TMEM132D: variants seen among roughly 807,000 people sequenced by gnomAD.
The protein encoded by TMEM132D is transmembrane protein 132D.
Under a neutral mutation model 62.3 loss-of-function variants are expected in TMEM132D, and 21 were observed. The observed-to-expected ratio is 0.34, with a 90% confidence interval of 0.24 to 0.49. TMEM132D has a LOEUF of 0.49. Among genes scored for constraint, TMEM132D ranks in the 20% least tolerant of loss-of-function variants. The pLI, the probability that TMEM132D is intolerant of heterozygous loss-of-function variation, is 0.99. For synonymous variants in TMEM132D, 621 were observed against 575.6 expected (o/e 1.08, Z -1.13); for missense variants, 1,346 against 1,402.8 (o/e 0.96, Z 0.65).
Position 129,409,838 on chromosome 12 carries a change from G to A in TMEM132D, c.1116-72021C>T, listed in dbSNP as rs528787615. On this transcript the variant is annotated intron_variant, in intron 3 of 8. Transcript: ENST00000422113. ...GATCTGCATAATCTTGCATGAGGAAGCTGCATCATGCTTGCATGAGAAAGC... is the reference window on the plus strand; with the variant it reads ...GATCTGCATAATCTTGCATGAGGAAACTGCATCATGCTTGCATGAGAAAGC... Among the ~76,000 whole-genome samples the A allele has an allele frequency of 2.0e-4, 31 of 152,330 alleles. No homozygotes were observed. In the South Asian group the frequency reaches 6.0e-3, roughly 30 times the overall value.
rs571122554 is a variant in TMEM132D, at chr12:129,272,203, G to A, written c.1300-62540C>T. On this transcript the variant is annotated intron_variant, in intron 4 of 8. Transcript: ENST00000422113. The stretch of plus-strand genomic sequence containing the variant: ...TGTGGTTTTAGGATCGGCAGGGACC[G>A]CATGCCCTGGGCACTTGCTGGGAAT... Among the ~76,000 whole-genome samples the A allele has an allele frequency of 5.1e-4, 78 of 151,922 alleles. 2 individuals carry two copies. Among genetic ancestry groups the A allele is most frequent in the African/African-American group, 1.7e-3 (70 of 41,208 alleles).
chr12:129,602,037 TG>T (rs1878495684), intron 2 of TMEM132D, among the ~76,000 whole-genome samples: 1 of 152,096 alleles, frequency 6.6e-6, no homozygotes, highest in Non-Finnish European at 1.5e-5. Flanking sequence ...TTGTTTTGAG[TG>T]GTATAATAAT....
chr12:129,597,695 C>T (rs1878374321), intron 2 of TMEM132D, among the ~76,000 whole-genome samples: 1 of 152,146 alleles, frequency 6.6e-6, no homozygotes, highest in African/African-American at 2.4e-5. Flanking sequence ...ATTGTATTCA[C>T]ACTCTCACCT....
intron 5 of TMEM132D, among the ~76,000 whole-genome samples, chr12:129,153,382 T>C (rs1051208442): frequency 1.3e-5 from 2 of 151,882 alleles, no homozygotes; most frequent in Non-Finnish European, 2.9e-5. Context: ...GAATGAGAGA[T>C]TGCGGGCCTA....
chr12:129,508,804 G>C (rs1593043190), intron 3 of TMEM132D, among the ~76,000 whole-genome samples: 2 of 152,184 alleles, frequency 1.3e-5, no homozygotes, highest in South Asian at 2.1e-4. Flanking sequence ...GGGTCTAAGG[G>C]GGATACGCAT....
intron 5 of TMEM132D, among the ~76,000 whole-genome samples, chr12:129,157,095 A>G (rs1392480468): frequency 6.6e-6 from 1 of 151,834 alleles, no homozygotes; most frequent in South Asian, 2.1e-4. Flanking sequence ...TAACTAGCCC[A>G]CTCCAGAGAT....
chr12:129,194,971 C>T (rs1878507442), intron 5 of TMEM132D, among the ~76,000 whole-genome samples: 1 of 152,210 alleles, frequency 6.6e-6, no homozygotes, highest in Admixed American at 6.5e-5. Flanking sequence ...CAGTGGGCAG[C>T]AGGCATTTTT....
intron 3 of TMEM132D, among the ~76,000 whole-genome samples, chr12:129,501,349 C>T (rs1321647772): frequency 2.6e-5 from 4 of 152,016 alleles, no homozygotes; most frequent in Non-Finnish European, 4.4e-5. Flanking sequence ...GCTTAGGGAA[C>T]CACCCTGCAA....
At chr12:129,307,843 C>G (rs1157013506) in intron 4 of TMEM132D, among the ~76,000 whole-genome samples, 1 of 152,186 alleles carries the variant, frequency 6.6e-6, no homozygotes, top group Non-Finnish European at 1.5e-5. Flanking sequence ...GCAGTCTCTG[C>G]TCACAAATGA....
chr12:129,083,211 A>C (rs1428444459), intron 6 of TMEM132D, among the ~76,000 whole-genome samples: 1 of 152,204 alleles, frequency 6.6e-6, no homozygotes, highest in Non-Finnish European at 1.5e-5. Flanking sequence ...CAAATGTGAT[A>C]AGAAAGGCAG....
Position 129,182,649 on chromosome 12 carries a change from G to C in TMEM132D, c.1443+26871C>G, listed in dbSNP as rs747408816. Among the ~76,000 whole-genome samples, 3 of 152,238 alleles carry C rather than the reference G, an allele frequency of 2.0e-5. No individual in the cohort carries two copies. The South Asian group carries it at 6.2e-4, about 32-fold the overall frequency. On this transcript the variant is annotated intron_variant, in intron 5 of 8. Transcript: ENST00000422113. The stretch of plus-strand genomic sequence containing the variant: ...CTGATGGAGGCTAATCTGCTTTTCT[G>C]AGTCTATGGATTTAAATGTTAATCT...
chr12:129,611,995 C>A (rs1224223871), intron 2 of TMEM132D, among the ~76,000 whole-genome samples: 1 of 152,156 alleles, frequency 6.6e-6, no homozygotes, highest in Non-Finnish European at 1.5e-5. Context: ...CGTGGCCGGT[C>A]GCAGTACCCT....
At chr12:129,477,031 G>T (rs891023347) in intron 3 of TMEM132D, among the ~76,000 whole-genome samples, 1 of 152,022 alleles carries the variant, frequency 6.6e-6, no homozygotes, top group South Asian at 2.1e-4. Flanking sequence ...AATCATTTTT[G>T]GTTTACGATC....
chr12:129,469,392 C>T (rs917785592), intron 3 of TMEM132D, among the ~76,000 whole-genome samples: 1 of 152,202 alleles, frequency 6.6e-6, no homozygotes, highest in African/African-American at 2.4e-5. Context: ...GTTAAAAATG[C>T]AAGTTCTCCA....
chr12:129,726,959 T>C (rs551261957), intron 1 of TMEM132D, among the ~76,000 whole-genome samples: 1 of 152,242 alleles, frequency 6.6e-6, no homozygotes, highest in East Asian at 1.9e-4. Context: ...TATAAAGAAA[T>C]ACTAGTGCCT....
intron 5 of TMEM132D, among the ~76,000 whole-genome samples, chr12:129,181,518 G>C (rs1315567793): frequency 1.3e-5 from 2 of 152,142 alleles, no homozygotes; most frequent in Non-Finnish European, 2.9e-5. Flanking sequence ...GTCCTCCTAG[G>C]ATAAAATCCC....
chr12:129,232,827 TAA>T (rs1879678680), intron 4 of TMEM132D, among the ~76,000 whole-genome samples: 1 of 148,672 alleles, frequency 6.7e-6, no homozygotes, highest in Non-Finnish European at 1.5e-5. Flanking sequence ...GAGAGAGAGA[TAA>T]AGAGAGAGAG....
At chr12:129,444,432 A>G (rs1873035476) in intron 3 of TMEM132D, among the ~76,000 whole-genome samples, 1 of 152,146 alleles carries the variant, frequency 6.6e-6, no homozygotes, top group Non-Finnish European at 1.5e-5. Flanking sequence ...AAGCAACCCC[A>G]TTAAAAAAGT....
intron 1 of TMEM132D, among the ~76,000 whole-genome samples, chr12:129,701,877 C>A (rs1881394537): frequency 6.6e-6 from 1 of 152,214 alleles, no homozygotes; most frequent in Non-Finnish European, 1.5e-5. Flanking sequence ...AAGCCTGATG[C>A]CTTCCCGAGT....
Sources: gnomAD v4.1 joint callset for allele counts (sites outside exome capture counted in the v4.1 genomes callset) on GRCh38, gnomAD v4.1.1 for gene constraint, MANE v1.5 for transcripts, NCBI Gene and HGNC (gene_info 2026-07-23, HGNC 2026-07-21) for gene names.